CDK14: variants seen among roughly 807,000 people sequenced by gnomAD.
The protein encoded by CDK14 is cyclin-dependent kinase 14.
CDK14 carries 34 observed loss-of-function variants against 60.7 expected under a neutral mutation model. That is an observed-to-expected ratio of 0.56 (90% confidence interval 0.43 to 0.75). CDK14 has a LOEUF of 0.75. CDK14 is among the 30% of genes least tolerant of loss of function. The pLI is 0.00. For missense variants in CDK14, 482 were observed against 564.1 expected (o/e 0.85, Z 1.47); for synonymous variants, 197 against 203.7 (o/e 0.97, Z 0.28).
intron 5 of CDK14, among the ~76,000 whole-genome samples, chr7:90,859,860 C>T (rs1195151321): frequency 6.6e-6 from 1 of 152,068 alleles, no homozygotes; most frequent in African/African-American, 2.4e-5. Context: ...CCAGTGTCAG[C>T]AACTAGATTC....
intron 10 of CDK14, among the ~76,000 whole-genome samples, chr7:91,014,792 A>G (rs1018309265): frequency 1.3e-5 from 2 of 152,198 alleles, no homozygotes; most frequent in Admixed American, 6.5e-5. Context: ...ACGCCCCAGC[A>G]TGGGTGAGGA....
At chr7:91,028,669 T>C (rs1225945639) in intron 10 of CDK14, among the ~76,000 whole-genome samples, 2 of 152,240 alleles carry the variant, frequency 1.3e-5, no homozygotes, top group Non-Finnish European at 2.9e-5. Flanking sequence ...TGCATTTCCC[T>C]GATGATTACT....
chr7:91,010,831 T>TCCTTCCTTCTTTCCTC (rs1554403731), intron 10 of CDK14, among the ~76,000 whole-genome samples: 1 of 64,016 alleles, frequency 1.6e-5, no homozygotes, highest in African/African-American at 7.4e-5. Flanking sequence ...CTTCCTTCCT[T>TCCTTCCTTCTTTCCTC]CCTCCCTCCC....
At chr7:90,915,038 A>C (rs1407301048) in intron 7 of CDK14, among the ~76,000 whole-genome samples, 1 of 152,168 alleles carries the variant, frequency 6.6e-6, no homozygotes, top group Non-Finnish European at 1.5e-5. Flanking sequence ...GAAGGGGTAC[A>C]AGGGCTTGCA....
chr7:90,791,491 A>G (rs1805829024), intron 5 of CDK14, among the ~76,000 whole-genome samples: 1 of 152,302 alleles, frequency 6.6e-6, no homozygotes, highest in East Asian at 1.9e-4. Flanking sequence ...GGTTTGCTGC[A>G]ATAATTTATC....
intron 8 of CDK14, among the ~76,000 whole-genome samples, chr7:90,938,609 G>T (rs1347758187): frequency 6.6e-6 from 1 of 152,102 alleles, no homozygotes; most frequent in African/African-American, 2.4e-5. Flanking sequence ...GTGACTTTAT[G>T]ATAATAATAG....
chr7:90,732,550 C>A (rs1301230009), intron 3 of CDK14, among the ~76,000 whole-genome samples: 1 of 152,152 alleles, frequency 6.6e-6, no homozygotes, highest in Non-Finnish European at 1.5e-5. Flanking sequence ...GATTCTACTT[C>A]TTCCTGGTTT....
intron 12 of CDK14, among the ~76,000 whole-genome samples, chr7:91,083,642 C>G (rs1418751842): frequency 2.6e-5 from 4 of 152,070 alleles, no homozygotes; most frequent in Non-Finnish European, 4.4e-5. Context: ...TATCAAAACC[C>G]CCTAAACCCC....
intron 14 of CDK14, among the ~76,000 whole-genome samples, chr7:91,179,325 A>G (rs1265988007): frequency 2.5e-5 from 3 of 121,886 alleles, no homozygotes; most frequent in Non-Finnish European, 3.2e-5. Flanking sequence ...GGACACAGGA[A>G]GGGGAATATC....
intron 4 of CDK14, among the ~76,000 whole-genome samples, chr7:90,762,939 A>T (rs1659648782): frequency 4.6e-5 from 7 of 152,078 alleles, no homozygotes; most frequent in Admixed American, 3.9e-4. Flanking sequence ...AGTGAGTACC[A>T]CTGCACTCCA....
At chr7:90,882,248 A>C (rs151161325) in intron 6 of CDK14, among the ~76,000 whole-genome samples, 1,401 of 131,586 alleles carry the variant, frequency 0.011, 24 homozygotes, top group African/African-American at 0.037. Flanking sequence ...GAAATTTACC[A>C]AGCAAATGGA....
chr7:90,883,575 CT>C (rs1257833996), intron 6 of CDK14, among the ~76,000 whole-genome samples: 3 of 152,176 alleles, frequency 2.0e-5, no homozygotes, highest in Non-Finnish European at 4.4e-5. Context: ...GGGCCCCTTC[CT>C]AACTCATTTT....
intron 4 of CDK14, among the ~76,000 whole-genome samples, chr7:90,772,823 T>C (rs1330287039): frequency 6.6e-6 from 1 of 152,194 alleles, no homozygotes; most frequent in African/African-American, 2.4e-5. Context: ...TAAAAGGATA[T>C]ATTATTAAAC....
chr7:90,826,098 C>T lies in CDK14; in HGVS notation c.544+35446C>T, dbSNP rs538771890. On this transcript the variant is annotated intron_variant, in intron 5 of 14. Transcript: ENST00000380050. ...GTAGAATGTCTATGAGTTCAACCGT[C>T]AGTAAACTAGGACAAAGCTCTTAAA... Among the ~76,000 whole-genome samples the T allele has an allele frequency of 5.3e-4, 80 of 152,314 alleles. No homozygotes were observed. The South Asian group carries it at 0.013, about 25-fold the overall frequency.
At chr7:90,626,938 CAAAAA>C (rs1334569433) in intron 2 of CDK14, among the ~76,000 whole-genome samples, 1 of 149,188 alleles carries the variant, frequency 6.7e-6, no homozygotes, top group South Asian at 2.1e-4. Context: ...GACCCTGTCT[CAAAAA>C]ACAAAACAAA....
intron 14 of CDK14, among the ~76,000 whole-genome samples, chr7:91,167,760 T>C (rs1271487125): frequency 6.6e-6 from 1 of 152,196 alleles, no homozygotes; most frequent in East Asian, 1.9e-4. Context: ...ATTTTGTTGC[T>C]GTGCAAATCA....
intron 6 of CDK14, among the ~76,000 whole-genome samples, chr7:90,878,221 A>G (rs1036082003): frequency 1.3e-5 from 2 of 152,040 alleles, no homozygotes; most frequent in Admixed American, 1.3e-4. Context: ...TGAAAGGAGG[A>G]CTTACTACAG....
At chr7:90,850,549 A>G (rs1490658944) in intron 5 of CDK14, among the ~76,000 whole-genome samples, 1 of 152,164 alleles carries the variant, frequency 6.6e-6, no homozygotes, top group Non-Finnish European at 1.5e-5. Context: ...GAAAATGATA[A>G]CTAAGTTAAG....
At chr7:90,944,384 T>C (rs893609970) in intron 8 of CDK14, among the ~76,000 whole-genome samples, 1 of 152,140 alleles carries the variant, frequency 6.6e-6, no homozygotes, top group Non-Finnish European at 1.5e-5. Flanking sequence ...AGTTTATCAG[T>C]AGACTTACTG....
Sources: gnomAD v4.1 joint callset for allele counts (sites outside exome capture counted in the v4.1 genomes callset) on GRCh38, gnomAD v4.1.1 for gene constraint, MANE v1.5 for transcripts, NCBI Gene and HGNC (gene_info 2026-07-23, HGNC 2026-07-21) for gene names.